The following DOCK11 variants were observed in gnomAD, a reference collection of about 807,000 sequenced individuals.
DOCK11 encodes dedicator of cytokinesis 11, also known as dedicator of cytokinesis protein 11.
In DOCK11, 70 loss-of-function variants were observed where a neutral mutation model predicts 169.1. That is an observed-to-expected ratio of 0.41 (90% CI 0.34 to 0.51). The LOEUF (loss-of-function observed/expected upper bound fraction) is 0.51, where lower values mean the gene tolerates loss of function less well. Among genes scored for constraint, DOCK11 ranks in the 20% least tolerant of loss-of-function variants. The pLI, the probability that DOCK11 is intolerant of heterozygous loss-of-function variation, is 0.10. For missense variants in DOCK11, 1,166 were observed against 1,538.8 expected (o/e 0.76, Z 4.05); for synonymous variants, 529 against 541.3 (o/e 0.98, Z 0.32).
chrX:118,585,789 A>C (rs2013798720), intron 16 of DOCK11, among the ~76,000 whole-genome samples: 2 of 111,277 alleles, frequency 1.8e-5, no homozygotes, highest in Non-Finnish European at 1.9e-5. Flanking sequence ...AAAAAGGAGA[A>C]GGATTTCTTT....
intron 52 of DOCK11, 90 bp downstream of exon 52, chrX:118,683,307 C>A: frequency 1.1e-6 from 1 of 944,948 alleles, no homozygotes. Flanking sequence ...AATGCACAAC[C>A]TTAAAGTTAT....
intron 6 of DOCK11, among the ~76,000 whole-genome samples, chrX:118,558,174 T>C (rs2012782486): frequency 9.1e-6 from 1 of 109,752 alleles, no homozygotes; most frequent in Non-Finnish European, 1.9e-5. Flanking sequence ...GGTTTCACCA[T>C]GTTGGCCAGG....
intron 3 of DOCK11, 71 bp from the exon 4 acceptor site, chrX:118,543,440 C>T: frequency 3.4e-6 from 3 of 890,878 alleles, no homozygotes; most frequent in Non-Finnish European, 4.9e-6. Flanking sequence ...GGCATAGTAC[C>T]AGAGTTTTAA....
chrX:118,669,294 T>C (rs1230935553), intron 45 of DOCK11, among the ~76,000 whole-genome samples: 1 of 111,904 alleles, frequency 8.9e-6, no homozygotes, highest in African/African-American at 3.2e-5. Context: ...ATGAACTCAT[T>C]AGAGAATGAG....
intron 16 of DOCK11, among the ~76,000 whole-genome samples, chrX:118,585,780 A>C (rs1400955482): frequency 9.0e-6 from 1 of 110,990 alleles, no homozygotes; most frequent in African/African-American, 3.3e-5. Flanking sequence ...TAAGAGATGA[A>C]AAAGGAGAAG....
At chrX:118,596,765 T>C (rs1250121697) in intron 20 of DOCK11, among the ~76,000 whole-genome samples, 2 of 111,582 alleles carry the variant, frequency 1.8e-5, no homozygotes, top group Non-Finnish European at 3.8e-5. Flanking sequence ...TTGGGGAAAA[T>C]CTCTTGATGG....
In DOCK11 at chrX:118,503,074, C is replaced by CTTTTTTTTT. The variant is rs767017269; in HGVS notation, c.102+7009_102+7017dup. ...TAGTTCTGGAGAGAGATAACAAAGG[C>CTTTTTTTTT]TTTTTTTTTTTTTTTTGAAATGGAG... On this transcript the variant is annotated intron_variant, in intron 1 of 52. Transcript: ENST00000276202. 3.3e-5 allele frequency among the ~76,000 whole-genome samples: 3 copies of CTTTTTTTTT among 90,787 alleles called. 1 individual carries two copies. The highest frequency in any genetic ancestry group is 4.2e-5 in the Non-Finnish European group (2 of 47,092). 78.8% of individuals were successfully genotyped at this position (90,787 alleles called of 115,157 possible). A position where few individuals can be genotyped will look rare whatever the true frequency, so the allele number is the denominator to read the frequency against.
chrX:118,578,519 T>C lies in DOCK11; in HGVS notation c.1390-6T>C. 2.5e-6 allele frequency: 3 copies of C among 1,207,104 alleles called. No homozygotes were observed. Among genetic ancestry groups the C allele is most frequent in the Non-Finnish European group, 3.4e-6 (3 of 892,760 alleles). On this transcript the variant is annotated splice_polypyrimidine_tract_variant and splice_region_variant and intron_variant, in intron 12 of 52. Transcript: ENST00000276202. ...AGAAAGTCTAACGGAAGTACTTTTT[T>C]CCCAGGGAATTTTCTCAGTGACGAA... is the stretch of plus-strand genomic sequence containing the variant.
At chrX:118,542,306 G>GACTA (rs1163890132) in intron 1 of DOCK11, among the ~76,000 whole-genome samples, 11 of 109,555 alleles carry the variant, frequency 1.0e-4, no homozygotes, top group African/African-American at 3.7e-4. Flanking sequence ...GAGTGGCTGG[G>GACTA]ACTACAGGCA....
At chrX:118,641,832 A>T (rs994823509) in intron 39 of DOCK11, among the ~76,000 whole-genome samples, 1 of 111,747 alleles carries the variant, frequency 8.9e-6, no homozygotes, top group African/African-American at 3.3e-5. Context: ...AATGGACGTG[A>T]GAGTGCTTTG....
rs768318644 is a variant in DOCK11, at chrX:118,580,165, C to T, written c.1581C>T (p.Phe527=). 5.8e-6 allele frequency: 7 copies of T among 1,204,885 alleles called. No individual in the cohort carries two copies. The highest frequency in any genetic ancestry group is 2.2e-5 in the Admixed American group (1 of 45,287). The change falls in exon 14 of 53, where the codon TTC becomes TTT. Residue 527 remains phenylalanine (F), a synonymous_variant. Transcript: ENST00000276202. ...CSRLGQYRMP[F]AWAARPIFKD... is the part of the protein sequence containing the mutation. ...GCCTTGGACAATACAGAATGCCCTT[C>T]GCTTGGGCTGCCAGGTTTGTACAAA...
At chrX:118,532,368 A>G (rs1306988217) in intron 1 of DOCK11, among the ~76,000 whole-genome samples, 2 of 111,398 alleles carry the variant, frequency 1.8e-5, no homozygotes, top group Non-Finnish European at 3.8e-5. Flanking sequence ...CACGAGAGCA[A>G]CTGAGGACCA....
intron 41 of DOCK11, 68 bp downstream of exon 41, chrX:118,649,195 A>G: frequency 1.1e-6 from 1 of 945,269 alleles, no homozygotes; most frequent in Non-Finnish European, 1.4e-6. Context: ...ATCAAGATCC[A>G]GAGCCACCCA....
Position 118,628,246 on chromosome X carries a change from C to T in DOCK11, c.3748C>T (p.Pro1250Ser), listed in dbSNP as rs1242096300. ...CATCCCAGAAGGAGCAACAGGATTT[C>T]CAGATCAGGGCAACACTGGTGAAAA... The part of the protein sequence containing the change: ...SLIPEGATGF[P>S]DQGNTGENTR... Residue 1250 changes from proline (P) to serine (S), a missense_variant, in exon 34 of 53, where the codon CCA becomes TCA. Transcript: ENST00000276202. 2 of 1,201,373 alleles carry T rather than the reference C, an allele frequency of 1.7e-6. No homozygotes were observed. Among genetic ancestry groups the T allele is most frequent in the Non-Finnish European group, 2.3e-6 (2 of 886,641 alleles).
intron 1 of DOCK11, among the ~76,000 whole-genome samples, chrX:118,539,165 CTTAGT>C (rs368579142): frequency 4.5e-5 from 5 of 111,977 alleles, no homozygotes; most frequent in Non-Finnish European, 7.5e-5. Flanking sequence ...ACCCAGAATG[CTTAGT>C]TTAATCAGTT....
chrX:118,557,972 G>A (rs1216125489), intron 6 of DOCK11, among the ~76,000 whole-genome samples: 1 of 102,561 alleles, frequency 9.8e-6, no homozygotes, highest in African/African-American at 3.6e-5. Context: ...TTGCCTGTGT[G>A]AACCTTTTTT....
intron 42 of DOCK11, among the ~76,000 whole-genome samples, chrX:118,653,434 C>T (rs755479727): frequency 9.0e-5 from 10 of 110,896 alleles, no homozygotes; most frequent in South Asian, 7.8e-4. Flanking sequence ...TACTTAGAGA[C>T]GGAGTTTCAC....
intron 40 of DOCK11, among the ~76,000 whole-genome samples, chrX:118,646,076 A>AAC (rs1491068232): frequency 7.5e-5 from 7 of 93,449 alleles, no homozygotes; most frequent in African/African-American, 2.6e-4. Context: ...AAAAAAAAAA[A>AAC]CACAACAACA....
At chrX:118,647,831 AATATT>A (rs1170230099) in intron 40 of DOCK11, among the ~76,000 whole-genome samples, 12 of 54,337 alleles carry the variant, frequency 2.2e-4, no homozygotes, top group African/African-American at 2.5e-4. Flanking sequence ...ATTATAATAT[AATATT>A]TAATATATAT....
Sources: gnomAD v4.1 joint callset for allele counts (sites outside exome capture counted in the v4.1 genomes callset) on GRCh38, gnomAD v4.1.1 for gene constraint, MANE v1.5 for transcripts, NCBI Gene and HGNC (gene_info 2026-07-23, HGNC 2026-07-21) for gene names.